Variants in PAG1 observed in about 807,000 individuals in gnomAD.
The protein encoded by PAG1 is phosphoprotein membrane anchor with glycosphingolipid microdomains 1, also known as phosphoprotein associated with glycosphingolipid-enriched microdomains 1.
A neutral mutation model predicts 31.7 loss-of-function variants in PAG1; 23 were observed. That is an observed-to-expected ratio of 0.73 (90% CI 0.52 to 1.03). The LOEUF is 1.03. Ranked by LOEUF, PAG1 falls within the 50% of genes least tolerant of loss-of-function variation. PAG1 has a pLI of 0.00. For missense variants in PAG1, 473 were observed against 540.7 expected (o/e 0.87, Z 1.24); for synonymous variants, 214 against 210.3 (o/e 1.02, Z -0.15).
At chr8:81,028,897 C>T (rs900718074) in intron 3 of PAG1, among the ~76,000 whole-genome samples, 3 of 152,176 alleles carry the variant, frequency 2.0e-5, no homozygotes, top group Non-Finnish European at 4.4e-5. Flanking sequence ...AAGAGAATAA[C>T]CAGGATGAGG....
intron 3 of PAG1, among the ~76,000 whole-genome samples, chr8:81,029,200 C>A (rs1808334763): frequency 6.6e-6 from 1 of 152,166 alleles, no homozygotes; most frequent in Non-Finnish European, 1.5e-5. Context: ...AAAACATTGG[C>A]AGCTAATTCA....
chr8:81,049,540 T>C (rs1586187991), intron 2 of PAG1, among the ~76,000 whole-genome samples: 1 of 152,244 alleles, frequency 6.6e-6, no homozygotes, highest in Non-Finnish European at 1.5e-5. Flanking sequence ...TAATGTATGA[T>C]AAATTGCTAA....
chr8:81,081,544 C>T (rs4739612), intron 1 of PAG1, among the ~76,000 whole-genome samples: 74,840 of 151,918 alleles, frequency 0.49, 19,200 homozygotes, highest in East Asian at 0.67. Context: ...AAGTATTACT[C>T]ATGTTGCCCT....
At chr8:81,008,793 A>G (rs1807930638) in intron 3 of PAG1, among the ~76,000 whole-genome samples, 1 of 152,060 alleles carries the variant, frequency 6.6e-6, no homozygotes, top group African/African-American at 2.4e-5. Context: ...GCACAGTCCT[A>G]CTGACATGAG....
chr8:80,987,252 G>T (rs1807443365), intron 6 of PAG1, 118 bp downstream of exon 6: 1 of 684,214 alleles, frequency 1.5e-6, no homozygotes, highest in Non-Finnish European at 2.6e-6. Context: ...AAAACTGCTA[G>T]GAATACTAAA....
intron 2 of PAG1, among the ~76,000 whole-genome samples, chr8:81,045,892 A>G (rs1391887019): frequency 6.6e-6 from 1 of 152,230 alleles, no homozygotes; most frequent in Non-Finnish European, 1.5e-5. Context: ...AGAAAACTTG[A>G]CAGATAAGGA....
chr8:80,976,635 C>T lies in PAG1; in HGVS notation c.1208G>A (p.Gly403Glu). ...LNREEEKATL[G>E]TNGHHGLVPK... ...GACGAGACCGTGGTGGCCATTGGTC[C>T]CCAGGGTGGCCTTTTCTTCCTCTCT... Residue 403 changes from glycine (G) to glutamate (E), a missense_variant, in exon 9 of 9, where the codon GGG becomes GAG. By Grantham distance (98) the Gly-to-Glu change is moderately conservative. Coordinates refer to ENST00000220597, the MANE Select transcript of PAG1 (RefSeq NM_018440.4). 6.2e-7 allele frequency: 1 copy of T among 1,614,104 alleles called. No individual in the cohort carries two copies. Among genetic ancestry groups the T allele is most frequent in the Non-Finnish European group, 8.5e-7 (1 of 1,179,978 alleles).
At chr8:81,039,142 T>C (rs1323593741) in intron 2 of PAG1, among the ~76,000 whole-genome samples, 1 of 151,510 alleles carries the variant, frequency 6.6e-6, no homozygotes, top group East Asian at 1.9e-4. Flanking sequence ...TCTTATACTC[T>C]GTGTGTGTGT....
intron 1 of PAG1, among the ~76,000 whole-genome samples, chr8:81,100,818 G>A (rs942807382): frequency 5.3e-5 from 8 of 152,220 alleles, no homozygotes; most frequent in Admixed American, 5.2e-4. Flanking sequence ...AGAAGCAAAA[G>A]CTAATTCTAA....
At chr8:81,058,528 T>C in intron 2 of PAG1, 1 of 152,212 alleles carries the variant, frequency 6.6e-6, no homozygotes, top group Non-Finnish European at 1.5e-5. Context: ...GCCCAGGAGT[T>C]GGAGGCTGCG....
chr8:80,977,082 C>T (rs1309956888), intron 8 of PAG1, among the ~76,000 whole-genome samples, 176 bp from the exon 9 acceptor site: 8 of 152,180 alleles, frequency 5.3e-5, no homozygotes, highest in Admixed American at 3.3e-4. Context: ...ATTACACACA[C>T]TATCTTCAAC....
intron 3 of PAG1, among the ~76,000 whole-genome samples, chr8:81,004,370 T>A (rs1807839464): frequency 6.6e-6 from 1 of 152,194 alleles, no homozygotes; most frequent in Non-Finnish European, 1.5e-5. Context: ...AGTCTGCAAC[T>A]CGGGTTGGTT....
chr8:81,097,741 A>G (rs530822374), intron 1 of PAG1, among the ~76,000 whole-genome samples: 1 of 152,086 alleles, frequency 6.6e-6, no homozygotes, highest in African/African-American at 2.4e-5. Context: ...AATAAACAGT[A>G]GTAATGTAGT....
chr8:80,977,200 G>A (rs372534467), intron 8 of PAG1, among the ~76,000 whole-genome samples: 3 of 152,170 alleles, frequency 2.0e-5, no homozygotes, highest in Non-Finnish European at 2.9e-5. Flanking sequence ...TGAAGGCCCC[G>A]GGGACCTGAC....
chr8:81,045,475 G>C (rs1407466042), intron 2 of PAG1, among the ~76,000 whole-genome samples: 1 of 152,158 alleles, frequency 6.6e-6, no homozygotes, highest in Non-Finnish European at 1.5e-5. Flanking sequence ...TTAAAGAGCA[G>C]CTCACTAGAG....
At chr8:81,082,247 T>C (rs868300266) in intron 1 of PAG1, among the ~76,000 whole-genome samples, 14 of 121,496 alleles carry the variant, frequency 1.2e-4, no homozygotes, top group Middle Eastern at 4.6e-3. Context: ...AGTGAGACTC[T>C]GTCTCAAAAA....
chr8:81,046,847 C>A (rs2130859659), intron 2 of PAG1, among the ~76,000 whole-genome samples: 1 of 152,164 alleles, frequency 6.6e-6, no homozygotes, highest in Non-Finnish European at 1.5e-5. Context: ...CTCCTCCTAC[C>A]CCCCAACCCT....
At chr8:81,050,409 C>T (rs4585701) in intron 2 of PAG1, among the ~76,000 whole-genome samples, 19,513 of 151,918 alleles carry the variant, frequency 0.13, 2,286 homozygotes, top group African/African-American at 0.31. Flanking sequence ...GGAGAAGACC[C>T]TCTTTGAAAT....
chr8:81,093,461 C>T (rs1809479266), intron 1 of PAG1, among the ~76,000 whole-genome samples: 1 of 151,940 alleles, frequency 6.6e-6, no homozygotes, highest in South Asian at 2.1e-4. Context: ...AAAGCTAAAG[C>T]CTCTCCCTCA....
Sources: allele counts gnomAD v4.1 joint callset (sites outside exome capture counted in the v4.1 genomes callset), GRCh38; gene constraint gnomAD v4.1.1; transcripts MANE v1.5; gene names NCBI Gene and HGNC (gene_info 2026-07-23, HGNC 2026-07-21).